TMEM185A: variants seen among roughly 807,000 people sequenced by gnomAD.
The protein encoded by TMEM185A is family with sequence similarity 11, member A.
A neutral mutation model predicts 25.0 loss-of-function variants in TMEM185A; 9 were observed. The ratio of observed to expected loss-of-function variants is 0.36; its 90% CI spans 0.22 to 0.63. The LOEUF (loss-of-function observed/expected upper bound fraction) is 0.63, where lower values mean the gene tolerates loss of function less well. TMEM185A is among the 20% of genes least tolerant of loss of function. The pLI, the probability that TMEM185A is intolerant of heterozygous loss-of-function variation, is 0.68. For synonymous variants in TMEM185A, 45 were observed against 93.5 expected, an observed-to-expected ratio of 0.48 and a Z score of 2.99; for missense variants, 103 against 237.4, an observed-to-expected ratio of 0.43 and a Z score of 3.72.
At position 149,604,037 on chromosome X, in the gene TMEM185A, A is replaced by C; in HGVS notation, c.457T>G (p.Phe153Val). 1 of 1,207,544 alleles carries C rather than the reference A, an allele frequency of 8.3e-7. No individual in the cohort carries two copies. The highest frequency in any genetic ancestry group is 1.1e-6 in the Non-Finnish European group (1 of 891,794). ...EILCSVNILQ[F>V]IFIALRLDKI... is the part of the protein sequence containing the mutation. ...TCCAGTCTTAAGGCAATGAATATAAACTGGAGAATGTTGACAGAACACAGG... is the reference window on the plus strand; with the variant it reads ...TCCAGTCTTAAGGCAATGAATATAACCTGGAGAATGTTGACAGAACACAGG... The change falls in exon 4 of 7, where the codon TTT becomes GTT. Residue 153 changes from phenylalanine (F) to valine (V), a missense_variant. By Grantham distance (50) the Phe-to-Val change is conservative. Transcript: ENST00000600449.
At chrX:149,616,979 TAG>T (rs2090113736) in intron 1 of TMEM185A, among the ~76,000 whole-genome samples, 2 of 112,372 alleles carry the variant, frequency 1.8e-5, no homozygotes, top group Admixed American at 1.9e-4. Flanking sequence ...CCCATACATA[TAG>T]AGTCAGTTAA....
rs782413884 is a variant in TMEM185A, at chrX:149,610,521, ACTC to A, written c.215+763_215+765del. Among the ~76,000 whole-genome samples, 49 of 105,465 alleles carry A rather than the reference ACTC, an allele frequency of 4.6e-4. 1 individual carries two copies. In the East Asian group the frequency reaches 5.9e-3, roughly 13 times the overall value. 91.6% of individuals were successfully genotyped at this position (105,465 alleles called of 115,157 possible). ...GCAGCTGCCTTCTGGGAATTCCTGT[ACTC>A]CTCATTTTCCCAGTGGAGGTTCATA... On this transcript the variant is annotated intron_variant, in intron 2 of 6. Transcript: ENST00000600449.
intron 3 of TMEM185A, chrX:149,606,890 G>T (rs2098054663): frequency 8.9e-6 from 1 of 112,369 alleles, no homozygotes; most frequent in African/African-American, 3.2e-5. Context: ...TTGTCCCTCA[G>T]TATCTGTGGG....
rs782036526 is a variant in TMEM185A at position 149,608,764 on chromosome X, T to A, written c.286A>T (p.Met96Leu). Residue 96 changes from methionine to leucine, a missense_variant, in exon 3 of 7, where the codon ATG becomes TTG. By Grantham distance (15) the Met-to-Leu change is conservative. Around this residue, in one of 2 missense-constraint regions of TMEM185A, gnomAD observed 102 missense variants for 125.7 expected, o/e 0.81. Transcript: ENST00000600449. Reference sequence around the variant, plus strand: ...CTGTCACAGACCAGAACTTCAAACATCAACAAGAGCAAGTGGATGCCCACT... The same window carrying A: ...CTGTCACAGACCAGAACTTCAAACAACAACAAGAGCAAGTGGATGCCCACT... The part of the protein sequence containing the change: ...IAVGIHLLLL[M>L]FEVLVCDRIE... 1.3e-5 allele frequency: 16 copies of A among 1,209,646 alleles called. No homozygotes were observed. Among genetic ancestry groups the A allele is most frequent in the Non-Finnish European group, 1.8e-5 (16 of 895,152 alleles).
At chrX:149,605,430 CA>C (rs1557353213) in intron 3 of TMEM185A, among the ~76,000 whole-genome samples, 4 of 97,542 alleles carry the variant, frequency 4.1e-5, no homozygotes, top group East Asian at 7.5e-4. Flanking sequence ...TATGGCCTCC[CA>C]TGTCACTATG....
chrX:149,631,701 A>G lies in TMEM185A; in HGVS notation c.-121T>C, dbSNP rs1213974023. On this transcript the variant is annotated 5_prime_UTR_variant, in exon 1 of 7. Coordinates refer to ENST00000600449, the MANE Select transcript of TMEM185A (RefSeq NM_032508.4). Reference sequence around the variant, plus strand: ...CCGCGTCCACGCTGCTGCTCCCGCTACTGCTGCCGTCCCCGCTGCCGTCGC... The same window carrying G: ...CCGCGTCCACGCTGCTGCTCCCGCTGCTGCTGCCGTCCCCGCTGCCGTCGC... 2.2e-5 allele frequency: 16 copies of G among 715,103 alleles called. No homozygotes were observed. The African/African-American group carries it at 2.7e-4, about 12-fold the overall frequency. 58.9% of individuals were successfully genotyped at this position (715,103 alleles called of 1,213,427 possible). A position where few individuals can be genotyped will look rare whatever the true frequency, so the allele number is the denominator to read the frequency against.
At chrX:149,606,798 G>C (rs2090054093) in intron 3 of TMEM185A, 2 of 112,486 alleles carry the variant, frequency 1.8e-5, no homozygotes. Flanking sequence ...TTTCTTCCAA[G>C]GGCAGGAATG....
chrX:149,618,227 G>C (rs782501625), intron 1 of TMEM185A, among the ~76,000 whole-genome samples: 1 of 111,529 alleles, frequency 9.0e-6, no homozygotes, highest in African/African-American at 3.3e-5. Flanking sequence ...ATACTCTTTT[G>C]CTTATGATAT....
chrX:149,619,881 T>A (rs1373530652), intron 1 of TMEM185A, among the ~76,000 whole-genome samples: 2 of 112,211 alleles, frequency 1.8e-5, no homozygotes, highest in Non-Finnish European at 3.8e-5. Context: ...ATGTGCCACA[T>A]TTTCTTGATC....
rs183887339 is a variant in TMEM185A at position 149,603,396 on chromosome X, G to A, written c.507+591C>T. 2.5e-4 allele frequency among the ~76,000 whole-genome samples: 28 copies of A among 110,558 alleles called. No homozygotes were observed. In the East Asian group the frequency reaches 7.9e-3, roughly 31 times the overall value. On this transcript the variant is annotated intron_variant, in intron 4 of 6. Coordinates refer to ENST00000600449, the MANE Select transcript of TMEM185A (RefSeq NM_032508.4). ...CTCACCTCGGCCTCCCAAAGTGCTG[G>A]GACTGTAAGTGTAAGCCACTGCGCC...
intron 1 of TMEM185A, among the ~76,000 whole-genome samples, chrX:149,627,965 G>A (rs2090172154): frequency 8.9e-6 from 1 of 112,111 alleles, no homozygotes; most frequent in Non-Finnish European, 1.9e-5. Flanking sequence ...CAAGAGACAA[G>A]ATAACTTATA....
chrX:149,609,307 C>G (rs929685881), intron 2 of TMEM185A, among the ~76,000 whole-genome samples: 1 of 112,611 alleles, frequency 8.9e-6, no homozygotes, highest in Non-Finnish European at 1.9e-5. Context: ...AAAAATAACT[C>G]TAGTTCTATG....
chrX:149,611,193 A>C, intron 2 of TMEM185A, 94 bp downstream of exon 2: 1 of 858,978 alleles, frequency 1.2e-6, no homozygotes, highest in African/African-American at 2.0e-5. Flanking sequence ...AGATAGGTAG[A>C]AAATAAAATG....
In TMEM185A at chrX:149,625,806, T is replaced by C. The variant is rs782090331; in HGVS notation, c.38+5737A>G. The stretch of plus-strand genomic sequence containing the variant: ...AGGAGTATGAACAATGGAATAGGTG[T>C]ATACATTCTCTTTCCCCAAGTAACC... On this transcript the variant is annotated intron_variant, in intron 1 of 6. Coordinates refer to ENST00000600449, the MANE Select transcript of TMEM185A (RefSeq NM_032508.4). Among the ~76,000 whole-genome samples, 20 of 112,775 alleles carry C rather than the reference T, an allele frequency of 1.8e-4. No individual in the cohort carries two copies. In the South Asian group the frequency reaches 6.9e-3, roughly 39 times the overall value.
intron 1 of TMEM185A, among the ~76,000 whole-genome samples, chrX:149,614,037 AC>A (rs1341996117): frequency 8.9e-6 from 1 of 112,475 alleles, no homozygotes; most frequent in African/African-American, 3.2e-5. Flanking sequence ...ACAGAAAATT[AC>A]TAAGGATATA....
intron 1 of TMEM185A, among the ~76,000 whole-genome samples, chrX:149,631,074 G>A (rs1602891162): frequency 9.0e-6 from 1 of 110,753 alleles, no homozygotes; most frequent in South Asian, 3.9e-4. Context: ...AAACAAGAGA[G>A]GGATGGGCAT....
chrX:149,619,057 C>T (rs1330878604), intron 1 of TMEM185A, among the ~76,000 whole-genome samples: 1 of 111,831 alleles, frequency 8.9e-6, no homozygotes, highest in Non-Finnish European at 1.9e-5. Flanking sequence ...TAAAGGTTAA[C>T]TATGATGTGG....
At position 149,631,611 on chromosome X, in the gene TMEM185A, C is replaced by A; in HGVS notation, c.-31G>T. 1 of 1,147,546 alleles carries A rather than the reference C, an allele frequency of 8.7e-7. No individual in the cohort carries two copies. The allele number at this position is 1,147,546 out of a possible 1,213,427, so 94.6% of individuals were successfully genotyped here. On this transcript the variant is annotated 5_prime_UTR_variant, in exon 1 of 7. It adds an upstream start codon to the 5' untranslated region. Coordinates refer to ENST00000600449, the MANE Select transcript of TMEM185A (RefSeq NM_032508.4). ...AGAACTTCACCGCGGCGTCCTCCTC[C>A]TCCTCCCCCGCACCCCGTGCTGCAC...
intron 1 of TMEM185A, among the ~76,000 whole-genome samples, chrX:149,615,501 A>G (rs1222032885): frequency 8.9e-6 from 1 of 111,900 alleles, no homozygotes; most frequent in Admixed American, 9.5e-5. Context: ...TTTAAAAGAA[A>G]GAAGTAAACC....
Sources: gnomAD v4.1 joint callset for allele counts (sites outside exome capture counted in the v4.1 genomes callset) on GRCh38, gnomAD v4.1.1 for gene constraint, gnomAD v4.1.1 regional missense constraint, MANE v1.5 for transcripts, NCBI Gene and HGNC (gene_info 2026-07-23, HGNC 2026-07-21) for gene names.